YWHAZ: variants seen among roughly 807,000 people sequenced by gnomAD.
The protein encoded by YWHAZ is 14-3-3 protein zeta/delta.
For synonymous variants in YWHAZ, 87 were observed against 103.6 expected (o/e 0.84, Z 0.97); for missense variants, 79 against 284.8 (o/e 0.28, Z 5.20).
At chr8:100,939,891 C>T (rs544642495) in intron 2 of YWHAZ, among the ~76,000 whole-genome samples, 28 of 151,758 alleles carry the variant, frequency 1.8e-4, no homozygotes, top group African/African-American at 5.1e-4. Context: ...GGCGTGGTGG[C>T]GGCCACCTGT....
Position 100,943,684 on chromosome 8 carries a change from T to C in YWHAZ, c.294+4912A>G, listed in dbSNP as rs946321848. Among the ~76,000 whole-genome samples, 5 of 152,210 alleles carry C rather than the reference T, an allele frequency of 3.3e-5. No individual in the cohort carries two copies. In the East Asian group the frequency reaches 5.8e-4, roughly 18 times the overall value. ...CTTTACATTAAAAAAAACTGAACTT[T>C]ATTACCAAAGACACTGTCCAGGCCG... On this transcript the variant is annotated intron_variant, in intron 2 of 5. Transcript: ENST00000395958.
chr8:100,919,888 A>G lies in YWHAZ; in HGVS notation c.*805T>C, dbSNP rs1812901818. ...AAGTATCAAAAAAAAAAAAATCACA[A>G]AAGCAAAAATCCTAAAAAAAAGTTA... On this transcript the variant is annotated 3_prime_UTR_variant, in exon 6 of 6. Transcript: ENST00000395958. The G allele has an allele frequency of 7.0e-6, 1 of 143,678 alleles. No homozygotes were observed. The allele number at this position is 143,678 out of a possible 1,614,324, so 8.9% of individuals were successfully genotyped here.
At position 100,948,770 on chromosome 8, in the gene YWHAZ, C is replaced by G. The variant is rs1045439064; in HGVS notation, c.120G>C (p.Glu40Asp). 1.9e-6 allele frequency: 3 copies of G among 1,599,694 alleles called. No homozygotes were observed. Among genetic ancestry groups the G allele is most frequent in the Non-Finnish European group, 2.5e-6 (3 of 1,179,962 alleles). Residue 40 changes from glutamate to aspartate, a missense_variant, in exon 2 of 6, where the codon GAG becomes GAC. Transcript: ENST00000395958. This position sits in a 1 kb window ranked among gnomAD's most constrained non-coding sequence, Gnocchi z 4.2. ...TEQGAELSNE[E>D]RNLLSVAYKN... Reference sequence around the variant, plus strand: ...TATAAGCAACTGAGAGAAGATTCCTCTCCTCATTGGATAATTCAGCTCCTT... The same window carrying G: ...TATAAGCAACTGAGAGAAGATTCCTGTCCTCATTGGATAATTCAGCTCCTT...
chr8:100,927,617 A>G (rs973292692), intron 2 of YWHAZ, among the ~76,000 whole-genome samples: 1 of 152,250 alleles, frequency 6.6e-6, no homozygotes, highest in African/African-American at 2.4e-5. Context: ...AAACACATGC[A>G]GTTACTTAAG....
At position 100,920,443 on chromosome 8, in the gene YWHAZ, A is replaced by T; in HGVS notation, c.*250T>A. The T allele has an allele frequency of 1.9e-6, 1 of 522,826 alleles. No individual in the cohort carries two copies. The highest frequency in any genetic ancestry group is 2.3e-5 in the South Asian group (1 of 42,854). The allele number at this position is 522,826 out of a possible 1,614,324, so 32.4% of individuals were successfully genotyped here. A position where few individuals can be genotyped will look rare whatever the true frequency, so the allele number is the denominator to read the frequency against. On this transcript the variant is annotated 3_prime_UTR_variant, in exon 6 of 6. Transcript: ENST00000395958. ...CAAAAGTACTATGCCAAACACTTATAACTTGTATAAAAATTCCACATCCCC... is the reference window on the plus strand; with the variant it reads ...CAAAAGTACTATGCCAAACACTTATTACTTGTATAAAAATTCCACATCCCC...
chr8:100,938,853 G>A (rs905966962), intron 2 of YWHAZ, among the ~76,000 whole-genome samples: 14 of 152,108 alleles, frequency 9.2e-5, no homozygotes, highest in Non-Finnish European at 1.9e-4. Flanking sequence ...ATGATTAGGA[G>A]GTGTCAAGAA....
At chr8:100,929,980 T>A (rs1385552291) in intron 2 of YWHAZ, among the ~76,000 whole-genome samples, 1 of 152,144 alleles carries the variant, frequency 6.6e-6, no homozygotes, top group Non-Finnish European at 1.5e-5. Flanking sequence ...GAAATAAACC[T>A]CCTAAATTTC....
intron 2 of YWHAZ, among the ~76,000 whole-genome samples, chr8:100,926,959 T>C (rs1813406015): frequency 1.3e-5 from 2 of 152,218 alleles, no homozygotes; most frequent in Non-Finnish European, 2.9e-5. Context: ...TAAACATAAG[T>C]GGCTTTGGGG....
At chr8:100,923,430 T>C (rs557541777) in intron 5 of YWHAZ, 1 of 151,998 alleles carries the variant, frequency 6.6e-6, no homozygotes, top group African/African-American at 2.4e-5. Flanking sequence ...TCAAACATTA[T>C]TAGGGAATTA....
chr8:100,920,587 A>T lies in YWHAZ; in HGVS notation c.*106T>A. ...TAGAAATTCAAATAGAAGTAACATA[A>T]ACCTGTCATAAATCGTAAACAAAAA... On this transcript the variant is annotated 3_prime_UTR_variant, in exon 6 of 6. Coordinates refer to ENST00000395958, the MANE Select transcript of YWHAZ (RefSeq NM_145690.3). The T allele has an allele frequency of 9.2e-7, 1 of 1,085,242 alleles. No homozygotes were observed. The highest frequency in any genetic ancestry group is 1.3e-5 in the South Asian group (1 of 76,206). 67.2% of individuals were successfully genotyped at this position (1,085,242 alleles called of 1,614,324 possible).
chr8:100,946,412 T>C (rs753751741), intron 2 of YWHAZ, among the ~76,000 whole-genome samples: 4 of 152,092 alleles, frequency 2.6e-5, no homozygotes, highest in Non-Finnish European at 5.9e-5. Context: ...TAGCTGGGCG[T>C]GCTGGTGCAC....
chr8:100,951,304 G>A, intron 1 of YWHAZ: 2 of 984,628 alleles, frequency 2.0e-6, no homozygotes, highest in African/African-American at 1.7e-5. Context: ...TCGCGCTTGG[G>A]TCCCCGAGGC....
At chr8:100,941,400 C>T (rs1051949069) in intron 2 of YWHAZ, among the ~76,000 whole-genome samples, 6 of 152,150 alleles carry the variant, frequency 3.9e-5, no homozygotes, top group Admixed American at 2.0e-4. Context: ...AGAAACATTC[C>T]GCATACCAGT....
intron 2 of YWHAZ, among the ~76,000 whole-genome samples, chr8:100,941,039 A>G (rs1353473666): frequency 8.2e-6 from 1 of 121,530 alleles, no homozygotes; most frequent in Non-Finnish European, 1.6e-5. Flanking sequence ...TTACTCTTAC[A>G]AAAAGCAGAT....
At chr8:100,945,079 G>A (rs1259263892) in intron 2 of YWHAZ, among the ~76,000 whole-genome samples, 2 of 152,192 alleles carry the variant, frequency 1.3e-5, no homozygotes, top group East Asian at 1.9e-4. Context: ...ACTACCAAGA[G>A]AGCTTTTGTC....
chr8:100,951,608 G>T (rs1328324512), intron 1 of YWHAZ: 1 of 985,426 alleles, frequency 1.0e-6, no homozygotes, highest in Non-Finnish European at 1.2e-6. Context: ...GTCCACCTTC[G>T]GGAGCCGGCG....
intron 2 of YWHAZ, among the ~76,000 whole-genome samples, chr8:100,943,563 T>TACAC (rs1463268855): frequency 6.6e-6 from 1 of 152,224 alleles, no homozygotes; most frequent in East Asian, 1.9e-4. Flanking sequence ...CAAAGGCCTC[T>TACAC]ACACCTTTCC....
At chr8:100,950,411 T>A (rs1810625706) in intron 1 of YWHAZ, 1 of 985,364 alleles carries the variant, frequency 1.0e-6, no homozygotes. Flanking sequence ...CTTACCTGAC[T>A]TGAGACGTCG....
chr8:100,940,229 A>G (rs951911865), intron 2 of YWHAZ, among the ~76,000 whole-genome samples: 1 of 152,034 alleles, frequency 6.6e-6, no homozygotes, highest in African/African-American at 2.4e-5. Flanking sequence ...TTTCTCACAA[A>G]CCAAGGCCCA....
Sources: gnomAD v4.1 joint callset for allele counts (sites outside exome capture counted in the v4.1 genomes callset) on GRCh38, gnomAD v4.1.1 for gene constraint, Gnocchi (gnomAD v3.1) non-coding constraint, MANE v1.5 for transcripts, NCBI Gene and HGNC (gene_info 2026-07-23, HGNC 2026-07-21) for gene names.